The following TNFRSF8 variants were observed in gnomAD, a reference collection of about 807,000 sequenced individuals.
TNFRSF8 encodes the protein tumor necrosis factor receptor superfamily member 8.
A neutral mutation model predicts 70.8 loss-of-function variants in TNFRSF8; 26 were observed. The ratio of observed to expected loss-of-function variants is 0.37; its 90% CI spans 0.27 to 0.51. TNFRSF8 has a LOEUF of 0.51. Ranked by LOEUF, TNFRSF8 falls within the 20% of genes least tolerant of loss-of-function variation. TNFRSF8 has a pLI of 0.94. For synonymous variants in TNFRSF8, 356 were observed against 339.2 expected, an observed-to-expected ratio of 1.05 and a Z score of -0.54; for missense variants, 720 against 807.9, an observed-to-expected ratio of 0.89 and a Z score of 1.32.
intron 12 of TNFRSF8, among the ~76,000 whole-genome samples, chr1:12,128,426 A>G: frequency 6.6e-6 from 1 of 152,114 alleles, no homozygotes; most frequent in Non-Finnish European, 1.5e-5. Flanking sequence ...GAGTGGATCG[A>G]CCTTCCCGTG....
In TNFRSF8 at chr1:12,088,990, C is replaced by G. The variant is rs1307507494; in HGVS notation, c.151+4439C>G. Among the ~76,000 whole-genome samples the G allele has an allele frequency of 6.6e-6, 1 of 152,240 alleles. No individual in the cohort carries two copies. Among genetic ancestry groups the G allele is most frequent in the Non-Finnish European group, 1.5e-5 (1 of 68,032 alleles). On this transcript the variant is annotated intron_variant, in intron 2 of 14. Transcript: ENST00000263932. This position sits in a 1 kb window ranked among gnomAD's most constrained non-coding sequence, Gnocchi z 4.0. ...AGCCCCCTCACAGCACCTCCTGGCC[C>G]CCCACTGTCCCTGTGTGCTTGACTC...
rs1641794246 is a variant in TNFRSF8 at position 12,119,640 on chromosome 1, G to A, written c.947-3644G>A. On this transcript the variant is annotated intron_variant, in intron 8 of 14. Coordinates refer to ENST00000263932, the MANE Select transcript of TNFRSF8 (RefSeq NM_001243.5). The surrounding 1 kb of genome is among the most constrained non-coding windows in gnomAD (Gnocchi z 4.4). The stretch of plus-strand genomic sequence containing the variant: ...TTTTAGAGACAGGGTCTCACTCTGT[G>A]TTCCAGGCTGGAGTGCAGTGGCATG... Among the ~76,000 whole-genome samples, 1 of 149,228 alleles carries A rather than the reference G, an allele frequency of 6.7e-6. No individual in the cohort carries two copies. Among genetic ancestry groups the A allele is most frequent in the South Asian group, 2.1e-4 (1 of 4,718 alleles).
At position 12,104,545 on chromosome 1, in the gene TNFRSF8, C is replaced by G. The variant is rs375456218; in HGVS notation, c.421+14C>G. The G allele has an allele frequency of 6.2e-7, 1 of 1,614,128 alleles. No homozygotes were observed. The highest frequency in any genetic ancestry group is 2.2e-5 in the East Asian group (1 of 44,886). On this transcript the variant is annotated intron_variant, in intron 4 of 14. Coordinates refer to ENST00000263932, the MANE Select transcript of TNFRSF8 (RefSeq NM_001243.5). ...TCAAGTTCCCAGGTCAGTGTCCCCA[C>G]CCTTAACTCAGGACAGAGATCTATG...
In TNFRSF8 at chr1:12,138,340, C is replaced by A; in HGVS notation, c.1447C>A (p.Leu483Met). ...CGTGGGGGCAGCCTACCTGGAGAGCCTGCCGCTGCAGGATGCCAGCCCGGC... is the reference window on the plus strand; with the variant it reads ...CGTGGGGGCAGCCTACCTGGAGAGCATGCCGCTGCAGGATGCCAGCCCGGC... ...HSVGAAYLES[L>M]PLQDASPAGG... Residue 483 changes from leucine to methionine, a missense_variant, in exon 14 of 15, where the codon CTG (leucine) becomes ATG (methionine). Coordinates refer to ENST00000263932, the MANE Select transcript of TNFRSF8 (RefSeq NM_001243.5). The surrounding 1 kb of genome is among the most constrained non-coding windows in gnomAD (Gnocchi z 5.7). The A allele has an allele frequency of 6.2e-7, 1 of 1,613,812 alleles. No homozygotes were observed. The highest frequency in any genetic ancestry group is 1.1e-5 in the South Asian group (1 of 91,076).
In TNFRSF8 at chr1:12,110,293, A is replaced by G; in HGVS notation, c.676+89A>G. 1 of 1,357,630 alleles carries G rather than the reference A, an allele frequency of 7.4e-7. No individual in the cohort carries two copies. Among genetic ancestry groups the G allele is most frequent in the African/African-American group, 1.5e-5 (1 of 68,270 alleles). 84.1% of individuals were successfully genotyped at this position (1,357,630 alleles called of 1,614,324 possible). A position where few individuals can be genotyped will look rare whatever the true frequency, so the allele number is the denominator to read the frequency against. ...GTGGGGGTGTTTGGAGCAGGCGGGC[A>G]GTGATCTGTGGTCTTTTCCTGGTGG... On this transcript the variant is annotated intron_variant, in intron 6 of 14. Coordinates refer to ENST00000263932, the MANE Select transcript of TNFRSF8 (RefSeq NM_001243.5). The surrounding 1 kb of genome is among the most constrained non-coding windows in gnomAD (Gnocchi z 4.0).
chr1:12,086,538 A>AC (rs1231143751), intron 2 of TNFRSF8, among the ~76,000 whole-genome samples: 2 of 61,182 alleles, frequency 3.3e-5, no homozygotes, highest in Non-Finnish European at 6.3e-5. Flanking sequence ...TCACCAACCC[A>AC]CCCCTCCCAT....
chr1:12,093,359 G>A (rs1259459018), intron 2 of TNFRSF8, among the ~76,000 whole-genome samples: 1 of 152,198 alleles, frequency 6.6e-6, no homozygotes, highest in African/African-American at 2.4e-5. Flanking sequence ...AGTGCATGAA[G>A]TGAGCAATGT....
rs1267819601 is a variant in TNFRSF8, at chr1:12,111,870, C to A, written c.677-28C>A. 5 of 1,603,204 alleles carry A rather than the reference C, an allele frequency of 3.1e-6. No homozygotes were observed. In the South Asian group the frequency reaches 3.3e-5, roughly 11 times the overall value. On this transcript the variant is annotated intron_variant, in intron 6 of 14. Transcript: ENST00000263932. ...TGAGGCCTTTGCCAAGGCGGCCTGGCCTGCAGCTTCTCTGCTTCTTTCCCC... is the reference window on the plus strand; with the variant it reads ...TGAGGCCTTTGCCAAGGCGGCCTGGACTGCAGCTTCTCTGCTTCTTTCCCC...
At chr1:12,085,178 T>A (rs1641131811) in intron 2 of TNFRSF8, among the ~76,000 whole-genome samples, 2 of 152,196 alleles carry the variant, frequency 1.3e-5, no homozygotes, top group South Asian at 4.1e-4. Context: ...TGGTGCAATC[T>A]CGGCTCACTG....
rs1051750625 is a variant in TNFRSF8 at position 12,112,834 on chromosome 1, A to G, written c.793+820A>G. On this transcript the variant is annotated intron_variant, in intron 7 of 14. Coordinates refer to ENST00000263932, the MANE Select transcript of TNFRSF8 (RefSeq NM_001243.5). The surrounding 1 kb of genome is among the most constrained non-coding windows in gnomAD (Gnocchi z 5.3). Reference sequence around the variant, plus strand: ...GGCATGTGGGCAGGGGGTGTTGCTCAGGCCACAGGCTGCTGTGACTGTTAG... The same window carrying G: ...GGCATGTGGGCAGGGGGTGTTGCTCGGGCCACAGGCTGCTGTGACTGTTAG... 7.9e-5 allele frequency among the ~76,000 whole-genome samples: 12 copies of G among 152,184 alleles called. No individual in the cohort carries two copies. The highest frequency in any genetic ancestry group is 2.2e-4 in the African/African-American group (9 of 41,448).
intron 3 of TNFRSF8, among the ~76,000 whole-genome samples, chr1:12,097,808 A>T (rs1389806022): frequency 6.6e-6 from 1 of 152,102 alleles, no homozygotes; most frequent in South Asian, 2.1e-4. Context: ...ATAATAAATG[A>T]TCATGTATTT....
rs568743004 is a variant in TNFRSF8, at chr1:12,123,344, A to T, written c.1007A>T (p.Asn336Ile). ...APPLGTQPDC[N>I]PTPENGEAPA... ...CCCCTGGGGACCCAGCCGGACTGCA[A>T]CCCCACCCCAGAGAATGGCGAGGCG... is the stretch of plus-strand genomic sequence containing the variant. Residue 336 changes from asparagine to isoleucine, a missense_variant, in exon 9 of 15, where the codon AAC (asparagine) becomes ATC (isoleucine). Asn to Ile is a moderately radical substitution (Grantham distance 149, BLOSUM62 -3). Coordinates refer to ENST00000263932, the MANE Select transcript of TNFRSF8 (RefSeq NM_001243.5). The T allele has an allele frequency of 1.2e-6, 2 of 1,613,048 alleles. No individual in the cohort carries two copies. The highest frequency in any genetic ancestry group is 1.1e-5 in the South Asian group (1 of 90,790).
rs904487759 is a variant in TNFRSF8, at chr1:12,138,863, G to A, written c.1543+427G>A. Among the ~76,000 whole-genome samples, 1 of 145,080 alleles carries A rather than the reference G, an allele frequency of 6.9e-6. No homozygotes were observed. The highest frequency in any genetic ancestry group is 2.4e-4 in the East Asian group (1 of 4,082). On this transcript the variant is annotated intron_variant, in intron 14 of 14. Coordinates refer to ENST00000263932, the MANE Select transcript of TNFRSF8 (RefSeq NM_001243.5). The surrounding 1 kb of genome is among the most constrained non-coding windows in gnomAD (Gnocchi z 5.7). The stretch of plus-strand genomic sequence containing the variant: ...TCTTTCTCCCCATTTTACAGTTGGG[G>A]AGACCGTGGCTCAGAGGGTGAAGTG...
chr1:12,107,122 C>T (rs56321716), intron 4 of TNFRSF8, among the ~76,000 whole-genome samples: 8,782 of 152,274 alleles, frequency 0.058, 341 homozygotes, highest in Non-Finnish European at 0.08. Context: ...GGGCCGGGTG[C>T]GGTGGCTCAC....
At chr1:12,137,067 A>G (rs1431039687) in intron 13 of TNFRSF8, among the ~76,000 whole-genome samples, 1 of 152,008 alleles carries the variant, frequency 6.6e-6, no homozygotes, top group East Asian at 1.9e-4. Context: ...GTCCCTGGGT[A>G]CTTGAGATTA....
In TNFRSF8 at chr1:12,084,568, G is replaced by T. The variant is rs1465578347; in HGVS notation, c.151+17G>T. The T allele has an allele frequency of 6.2e-7, 1 of 1,612,360 alleles. No homozygotes were observed. The highest frequency in any genetic ancestry group is 8.5e-7 in the Non-Finnish European group (1 of 1,178,592). Reference sequence around the variant, plus strand: ...GCCCCATGGGTGAGTGGGGGCGTTGGGGGTGGGGAGAAGGGGGGAAATTTG... The same window carrying T: ...GCCCCATGGGTGAGTGGGGGCGTTGTGGGTGGGGAGAAGGGGGGAAATTTG... On this transcript the variant is annotated intron_variant, in intron 2 of 14. Coordinates refer to ENST00000263932, the MANE Select transcript of TNFRSF8 (RefSeq NM_001243.5).
At chr1:12,078,555 ACT>A (rs1316732294) in intron 1 of TNFRSF8, among the ~76,000 whole-genome samples, 5 of 152,010 alleles carry the variant, frequency 3.3e-5, no homozygotes, top group Non-Finnish European at 7.4e-5. Flanking sequence ...CGGAGCGAGT[ACT>A]CTGTCTTAAA....
chr1:12,108,421 G>T lies in TNFRSF8; in HGVS notation c.422-1145G>T, dbSNP rs903297969. Among the ~76,000 whole-genome samples the T allele has an allele frequency of 3.3e-5, 5 of 152,112 alleles. No individual in the cohort carries two copies. The highest frequency in any genetic ancestry group is 7.3e-5 in the Non-Finnish European group (5 of 68,030). On this transcript the variant is annotated intron_variant, in intron 4 of 14. Transcript: ENST00000263932. This position sits in a 1 kb window ranked among gnomAD's most constrained non-coding sequence, Gnocchi z 4.0. ...AAGTGTTGGGATGGGAGTCCAGATG[G>T]GTGTAAGGACATAGCATTTACCATA...
intron 1 of TNFRSF8, among the ~76,000 whole-genome samples, chr1:12,077,492 T>C (rs1044895084): frequency 6.6e-6 from 1 of 152,142 alleles, no homozygotes; most frequent in African/African-American, 2.4e-5. Context: ...GAACAGCCCT[T>C]AGTTGGCTGT....
Sources: gnomAD v4.1 joint callset for allele counts (sites outside exome capture counted in the v4.1 genomes callset) on GRCh38, gnomAD v4.1.1 for gene constraint, Gnocchi (gnomAD v3.1) non-coding constraint, MANE v1.5 for transcripts, NCBI Gene and HGNC (gene_info 2026-07-23, HGNC 2026-07-21) for gene names.